ABCC4: variants seen among roughly 807,000 people sequenced by gnomAD.
ABCC4 encodes ATP-binding cassette sub-family C member 4.
ABCC4 carries 102 observed loss-of-function variants against 168.5 expected under a neutral mutation model. That is an observed-to-expected ratio of 0.61 (90% CI 0.52 to 0.71). ABCC4 has a LOEUF of 0.71. Ranked by LOEUF, ABCC4 falls within the 30% of genes least tolerant of loss-of-function variation. ABCC4 has a pLI of 0.00. For missense variants in ABCC4, 1,402 were observed against 1,605.8 expected, an observed-to-expected ratio of 0.87 and a Z score of 2.17; for synonymous variants, 617 against 590.7, an observed-to-expected ratio of 1.04 and a Z score of -0.65.
intron 1 of ABCC4, among the ~76,000 whole-genome samples, chr13:95,273,057 C>A (rs1307010581): frequency 6.6e-6 from 1 of 152,046 alleles, no homozygotes; most frequent in Non-Finnish European, 1.5e-5. Context: ...ACCTGGAAAA[C>A]AGGTTGGGCT....
intron 16 of ABCC4, 87 bp from the exon 17 acceptor site, chr13:95,163,734 G>A (rs368751083): frequency 2.4e-5 from 28 of 1,163,280 alleles, no homozygotes; most frequent in African/African-American, 7.7e-5. Flanking sequence ...ATGGACAACC[G>A]AAAGAAAGCC....
chr13:95,097,566 T>C (rs1444620231), intron 20 of ABCC4, among the ~76,000 whole-genome samples: 2 of 144,620 alleles, frequency 1.4e-5, no homozygotes, highest in Admixed American at 7.1e-5. Context: ...TAGAACTCTA[T>C]ACTCCACAGC....
intron 12 of ABCC4, 83 bp downstream of exon 12, chr13:95,177,914 C>T: frequency 1.3e-6 from 2 of 1,507,104 alleles, no homozygotes; most frequent in South Asian, 1.1e-5. Flanking sequence ...GGACGCAATA[C>T]ACAGTAAGCA....
chr13:95,167,715 G>A (rs1381395794), intron 14 of ABCC4, among the ~76,000 whole-genome samples: 1 of 152,184 alleles, frequency 6.6e-6, no homozygotes. Flanking sequence ...CTGGTACTGA[G>A]ATGGCAATTT....
intron 27 of ABCC4, among the ~76,000 whole-genome samples, chr13:95,048,999 T>A (rs889123669): frequency 6.6e-6 from 1 of 152,186 alleles, no homozygotes; most frequent in Admixed American, 6.5e-5. Flanking sequence ...CAGCTGACTA[T>A]TTTTCAGTAT....
At position 95,208,552 on chromosome 13, in the gene ABCC4, T is replaced by C. The variant is rs114095073; in HGVS notation, c.786-627A>G. ...GAACCATTTCCAATTCGTTGGAACCTGCTTCAAGTCTAATTTATTTTATCA... is the reference window on the plus strand; with the variant it reads ...GAACCATTTCCAATTCGTTGGAACCCGCTTCAAGTCTAATTTATTTTATCA... On this transcript the variant is annotated intron_variant, in intron 6 of 30. Transcript: ENST00000645237. Among the ~76,000 whole-genome samples the C allele has an allele frequency of 1.8e-3, 267 of 150,806 alleles. 1 individual carries two copies. Among genetic ancestry groups the C allele is most frequent in the African/African-American group, 6.3e-3 (259 of 41,234 alleles).
intron 19 of ABCC4, among the ~76,000 whole-genome samples, chr13:95,141,065 T>C (rs1023463743): frequency 6.6e-6 from 1 of 152,228 alleles, no homozygotes; most frequent in Non-Finnish European, 1.5e-5. Context: ...CGGGCAGTCA[T>C]AGACTCTGCA....
At chr13:95,228,443 A>T (rs2039529236) in intron 4 of ABCC4, among the ~76,000 whole-genome samples, 1 of 152,072 alleles carries the variant, frequency 6.6e-6, no homozygotes, top group Non-Finnish European at 1.5e-5. Context: ...ACTGACCTAA[A>T]AATATACCTG....
chr13:95,212,172 C>CAA (rs61656577), intron 4 of ABCC4, among the ~76,000 whole-genome samples: 3 of 123,178 alleles, frequency 2.4e-5, no homozygotes, highest in Admixed American at 8.5e-5. Context: ...GAGACTGTCT[C>CAA]AAAAAAAAAA....
At chr13:95,288,225 C>T (rs756179057) in intron 1 of ABCC4, among the ~76,000 whole-genome samples, 1 of 152,084 alleles carries the variant, frequency 6.6e-6, no homozygotes, top group Non-Finnish European at 1.5e-5. Context: ...GGTCTTCTGG[C>T]TCCAGTCTGA....
At chr13:95,044,476 A>G in intron 27 of ABCC4, 38 bp from the exon 28 acceptor site, 2 of 1,564,914 alleles carry the variant, frequency 1.3e-6, no homozygotes, top group Non-Finnish European at 8.7e-7. Context: ...CTATCATTCA[A>G]GCCGCTATGG....
intron 19 of ABCC4, 71 bp from the exon 20 acceptor site, chr13:95,116,072 A>C: frequency 9.0e-7 from 1 of 1,114,110 alleles, no homozygotes; most frequent in Non-Finnish European, 1.3e-6. Context: ...ATTCGCAAAC[A>C]AATCAAAACA....
chr13:95,217,849 A>G (rs1484185110), intron 4 of ABCC4, among the ~76,000 whole-genome samples: 2 of 152,152 alleles, frequency 1.3e-5, no homozygotes, highest in Non-Finnish European at 2.9e-5. Context: ...GTGGACAGGG[A>G]TGCTCCTCTC....
chr13:95,123,874 GC>G (rs1289209204), intron 19 of ABCC4, among the ~76,000 whole-genome samples: 1 of 152,214 alleles, frequency 6.6e-6, no homozygotes, highest in African/African-American at 2.4e-5. Flanking sequence ...GGCGGGGTCA[GC>G]CCTCATGGGA....
At chr13:95,178,122 A>G (rs746767766) in intron 11 of ABCC4, 31 bp from the exon 12 acceptor site, 1 of 1,582,576 alleles carries the variant, frequency 6.3e-7, no homozygotes, top group Admixed American at 1.7e-5. Flanking sequence ...AGGGGGGAAA[A>G]AGAGACTTAA....
chr13:95,281,063 G>C (rs2041109466), intron 1 of ABCC4, among the ~76,000 whole-genome samples: 1 of 151,934 alleles, frequency 6.6e-6, no homozygotes, highest in Non-Finnish European at 1.5e-5. Flanking sequence ...CCAAAAGCCA[G>C]ATAGTTCAGG....
chr13:95,058,594 A>AAAAAAAAAAAAAAAAAAAAAAAACAAAG (rs2033163283), intron 26 of ABCC4, among the ~76,000 whole-genome samples: 1 of 41,422 alleles, frequency 2.4e-5, no homozygotes, highest in African/African-American at 9.9e-5. Context: ...AAAAAAAAAG[A>AAAAAAAAAAAAAAAAAAAAAAAACAAAG]AAAGAAAAAG....
chr13:95,044,673 T>A (rs932062922), intron 27 of ABCC4, among the ~76,000 whole-genome samples: 1 of 152,176 alleles, frequency 6.6e-6, no homozygotes, highest in African/African-American at 2.4e-5. Flanking sequence ...GATGCTCCTT[T>A]ATCACCATCA....
intron 25 of ABCC4, among the ~76,000 whole-genome samples, chr13:95,066,257 T>C (rs2033539641): frequency 6.6e-6 from 1 of 152,244 alleles, no homozygotes; most frequent in Non-Finnish European, 1.5e-5. Flanking sequence ...AAATGTGTAA[T>C]TGCCTTAAAA....
Sources: gnomAD v4.1 joint callset for allele counts (sites outside exome capture counted in the v4.1 genomes callset) on GRCh38, gnomAD v4.1.1 for gene constraint, MANE v1.5 for transcripts, NCBI Gene and HGNC (gene_info 2026-07-23, HGNC 2026-07-21) for gene names.